The following MCUR1 variants were observed in gnomAD, a reference collection of about 807,000 sequenced individuals.
MCUR1 encodes MCU regulator 1.
MCUR1 carries 37 observed loss-of-function variants against 42.0 expected under a neutral mutation model. The ratio of observed to expected loss-of-function variants is 0.88; its 90% confidence interval spans 0.68 to 1.16. The LOEUF is 1.16. Ranked by LOEUF, MCUR1 falls within the 50% of genes most tolerant of loss-of-function variation. The pLI is 0.00. For synonymous variants in MCUR1, 229 were observed against 196.2 expected (o/e 1.17, Z -1.40); for missense variants, 469 against 468.4 (o/e 1.00, Z -0.01).
At chr6:13,801,135 G>C (rs150516486) in intron 4 of MCUR1, among the ~76,000 whole-genome samples, 153 bp downstream of exon 4, 18 of 152,346 alleles carry the variant, frequency 1.2e-4, no homozygotes, top group African/African-American at 4.3e-4. Context: ...TTCTGGGACA[G>C]TGGGCAAGTT....
chr6:13,808,351 T>C (rs1000663416), intron 1 of MCUR1, among the ~76,000 whole-genome samples: 2 of 152,200 alleles, frequency 1.3e-5, no homozygotes. Context: ...TAGGGTTGTC[T>C]TTCTATTACT....
rs1368106612 is a variant in MCUR1 at position 13,790,208 on chromosome 6, A to G, written c.*601T>C. On this transcript the variant is annotated 3_prime_UTR_variant, in exon 9 of 9. Transcript: ENST00000379170. ...GATTAAGTTGTAGAGAATTACATCA[A>G]TGTTTGCTGTTGGTGTGCACCACAG... is the stretch of plus-strand genomic sequence containing the variant. The G allele has an allele frequency of 6.6e-6, 1 of 152,214 alleles. No individual in the cohort carries two copies. Among genetic ancestry groups the G allele is most frequent in the African/African-American group, 2.4e-5 (1 of 41,440 alleles). The allele number at this position is 152,214 out of a possible 1,614,324, so 9.4% of individuals were successfully genotyped here.
intron 2 of MCUR1, among the ~76,000 whole-genome samples, chr6:13,805,156 A>ATT (rs112255408): frequency 6.3e-5 from 9 of 143,632 alleles, no homozygotes; most frequent in Admixed American, 1.4e-4. Flanking sequence ...CTGCTTATCA[A>ATT]TTTTTTTTTT....
chr6:13,793,897 T>C lies in MCUR1; in HGVS notation c.906A>G (p.Ala302=), dbSNP rs372901836. 182 of 1,613,250 alleles carry C rather than the reference T, an allele frequency of 1.1e-4. No homozygotes were observed. Among genetic ancestry groups the C allele is most frequent in the Middle Eastern group, 9.9e-4 (6 of 6,080 alleles). Residue 302 remains alanine, a synonymous_variant, in exon 7 of 9, where the codon GCA becomes GCG. Transcript: ENST00000379170. ...AAATCACAGTCTTGTTTCTTACCAA[T>C]GCCACTATTTCTGTTCTCAATTCCA... The part of the protein sequence containing the change: ...KLLELRTEIV[A]LHAQQDRALT...
At chr6:13,811,078 A>C (rs533433994) in intron 1 of MCUR1, among the ~76,000 whole-genome samples, 8 of 152,284 alleles carry the variant, frequency 5.3e-5, no homozygotes, top group Admixed American at 5.2e-4. Context: ...CAATTTACTG[A>C]GTATACATTA....
At position 13,813,209 on chromosome 6, in the gene MCUR1, G is replaced by A. The variant is rs904006032; in HGVS notation, c.415+806C>T. 1.5e-3 allele frequency among the ~76,000 whole-genome samples: 232 copies of A among 152,142 alleles called. 4 individuals carry two copies. The highest frequency in any genetic ancestry group is 2.0e-3 in the Non-Finnish European group (134 of 68,032). On this transcript the variant is annotated intron_variant, in intron 1 of 8. Coordinates refer to ENST00000379170, the MANE Select transcript of MCUR1 (RefSeq NM_001031713.4). ...CACTCTACAATATTCACACAAGGAA[G>A]AAGTCGCCTAATGACTCATTTCTCA...
Position 13,808,951 on chromosome 6 carries a change from G to A in MCUR1, c.416-1907C>T, listed in dbSNP as rs543754182. Among the ~76,000 whole-genome samples, 160 of 152,122 alleles carry A rather than the reference G, an allele frequency of 1.1e-3. 1 individual carries two copies. Among genetic ancestry groups the A allele is most frequent in the Admixed American group, 3.1e-3 (48 of 15,282 alleles). On this transcript the variant is annotated intron_variant, in intron 1 of 8. Coordinates refer to ENST00000379170, the MANE Select transcript of MCUR1 (RefSeq NM_001031713.4). Reference sequence around the variant, plus strand: ...TGTTTTTTTTGTTGTTGCTCTTGACGTTTTTTTAAGACAGGGTCTCGCTCT... The same window carrying A: ...TGTTTTTTTTGTTGTTGCTCTTGACATTTTTTTAAGACAGGGTCTCGCTCT...
chr6:13,803,317 T>G (rs986109903), intron 2 of MCUR1, among the ~76,000 whole-genome samples: 6 of 152,266 alleles, frequency 3.9e-5, no homozygotes, highest in Non-Finnish European at 7.3e-5. Flanking sequence ...CGCCTTGGCC[T>G]CCCAACGTGC....
chr6:13,807,173 A>G (rs535700791), intron 1 of MCUR1, 129 bp from the exon 2 acceptor site: 14 of 967,882 alleles, frequency 1.4e-5, no homozygotes, highest in East Asian at 7.9e-5. Context: ...GAGATATACA[A>G]TTCACCCAAT....
At chr6:13,795,383 G>A (rs1162539851) in intron 6 of MCUR1, among the ~76,000 whole-genome samples, 1 of 152,138 alleles carries the variant, frequency 6.6e-6, no homozygotes, top group African/African-American at 2.4e-5. Context: ...ACGCTGTCAT[G>A]GTTTTAAAAA....
chr6:13,811,154 G>A (rs1760224459), intron 1 of MCUR1, among the ~76,000 whole-genome samples: 1 of 152,056 alleles, frequency 6.6e-6, no homozygotes, highest in South Asian at 2.1e-4. Context: ...ACCCAGCTAA[G>A]GGAGCAACCT....
rs45561736 is a variant in MCUR1 at position 13,806,702 on chromosome 6, G to T, written c.535+223C>A. Among the ~76,000 whole-genome samples, 1,448 of 152,114 alleles carry T rather than the reference G, an allele frequency of 9.5e-3. 10 individuals carry two copies. The highest frequency in any genetic ancestry group is 0.016 in the Non-Finnish European group (1,055 of 67,970). ...GCTACTCGGGAGGCTGAGGTGGGAG[G>T]ATGGCTTGAGCCTGGGAGGCAGGTT... On this transcript the variant is annotated intron_variant, in intron 2 of 8. Transcript: ENST00000379170.
rs145065022 is a variant in MCUR1, at chr6:13,798,865, A to T, written c.823T>A (p.Phe275Ile). 4.5e-5 allele frequency: 73 copies of T among 1,611,398 alleles called. No individual in the cohort carries two copies. Among genetic ancestry groups the T allele is most frequent in the Non-Finnish European group, 6.1e-5 (72 of 1,177,984 alleles). The change falls in exon 6 of 9, where the codon TTC (phenylalanine) becomes ATC (isoleucine). Residue 275 changes from phenylalanine to isoleucine, a missense_variant. By Grantham distance (21) the Phe-to-Ile change is conservative (BLOSUM62 0). Coordinates refer to ENST00000379170, the MANE Select transcript of MCUR1 (RefSeq NM_001031713.4). Reference sequence around the variant, plus strand: ...TTTACTCTGCTCTTTTCTAGGTTGAAGTCTAATTTGGTATCTGTTCGGACT... The same window carrying T: ...TTTACTCTGCTCTTTTCTAGGTTGATGTCTAATTTGGTATCTGTTCGGACT... ...IKVRTDTKLD[F>I]NLEKSRVKEL...
intron 4 of MCUR1, among the ~76,000 whole-genome samples, chr6:13,800,698 G>C (rs571437698): frequency 2.6e-5 from 4 of 152,170 alleles, no homozygotes; most frequent in Non-Finnish European, 5.9e-5. Flanking sequence ...ACAACCTAGA[G>C]AGTCTGAAAC....
chr6:13,797,921 G>A (rs1353493673), intron 6 of MCUR1, among the ~76,000 whole-genome samples: 2 of 151,696 alleles, frequency 1.3e-5, no homozygotes, highest in African/African-American at 4.8e-5. Context: ...TACTCGGGAG[G>A]CTGAGGCAGG....
intron 6 of MCUR1, among the ~76,000 whole-genome samples, chr6:13,798,494 T>A (rs1759906711): frequency 6.6e-6 from 1 of 152,096 alleles, no homozygotes; most frequent in Non-Finnish European, 1.5e-5. Flanking sequence ...CAACTTAACT[T>A]TTACAAGATC....
At chr6:13,812,234 T>C (rs887988602) in intron 1 of MCUR1, among the ~76,000 whole-genome samples, 3 of 152,196 alleles carry the variant, frequency 2.0e-5, no homozygotes, top group African/African-American at 7.2e-5. Flanking sequence ...TTCCTACTCA[T>C]GACATCCTTA....
At chr6:13,796,248 A>C (rs1481321271) in intron 6 of MCUR1, among the ~76,000 whole-genome samples, 1 of 151,708 alleles carries the variant, frequency 6.6e-6, no homozygotes, top group African/African-American at 2.4e-5. Flanking sequence ...ATTTAAAAAT[A>C]TGAGTATTTG....
intron 1 of MCUR1, among the ~76,000 whole-genome samples, chr6:13,807,824 A>T (rs1760145135): frequency 6.6e-6 from 1 of 152,124 alleles, no homozygotes; most frequent in African/African-American, 2.4e-5. Flanking sequence ...TAGTCATCCT[A>T]TTGGGCGTAA....
Sources: gnomAD v4.1 joint callset for allele counts (sites outside exome capture counted in the v4.1 genomes callset) on GRCh38, gnomAD v4.1.1 for gene constraint, MANE v1.5 for transcripts, NCBI Gene and HGNC (gene_info 2026-07-23, HGNC 2026-07-21) for gene names.